Variants in SUGCT observed in about 807,000 individuals in gnomAD.
SUGCT encodes the protein succinyl-CoA:glutarate CoA-transferase.
SUGCT carries 41 observed loss-of-function variants against 55.0 expected under a neutral mutation model. The observed-to-expected ratio is 0.74, with a 90% confidence interval of 0.58 to 0.97. SUGCT has a LOEUF of 0.97. SUGCT is among the 50% of genes least tolerant of loss of function. The pLI, the probability that SUGCT is intolerant of heterozygous loss-of-function variation, is 0.00. For missense variants in SUGCT, 568 were observed against 547.8 expected, an observed-to-expected ratio of 1.04 and a Z score of -0.37; for synonymous variants, 187 against 200.4, an observed-to-expected ratio of 0.93 and a Z score of 0.56.
the SUGCT span, among the ~76,000 whole-genome samples, chr7:40,906,738 G>T: frequency 5.2e-3 from 797 of 152,236 alleles, 8 homozygotes; most frequent in African/African-American, 0.017. Context: ...GGGAGGTGTT[G>T]TCCTGGAACC....
At chr7:40,544,156 G>C (rs1241787952) in intron 12 of SUGCT, among the ~76,000 whole-genome samples, 8 of 146,266 alleles carry the variant, frequency 5.5e-5, no homozygotes, top group Admixed American at 4.8e-4. Flanking sequence ...TTTTAGGGCA[G>C]TTTCTGTACA....
chr7:40,523,153 C>T (rs1364636187), intron 12 of SUGCT, among the ~76,000 whole-genome samples: 1 of 151,870 alleles, frequency 6.6e-6, no homozygotes, highest in Non-Finnish European at 1.5e-5. Context: ...CCCTTTCAAC[C>T]AAGAATATTG....
the SUGCT span, among the ~76,000 whole-genome samples, chr7:40,929,866 A>G: frequency 6.6e-6 from 1 of 152,176 alleles, no homozygotes; most frequent in Non-Finnish European, 1.5e-5. Flanking sequence ...CCCATTCTGT[A>G]GGTTGCCTAT....
chr7:40,954,235 A>C, the SUGCT span, among the ~76,000 whole-genome samples: 90 of 152,204 alleles, frequency 5.9e-4, 1 homozygote, highest in Non-Finnish European at 1.1e-3. Context: ...CTCTGTGGGC[A>C]TGGGACCCTC....
At chr7:41,034,701 G>A in the SUGCT span, among the ~76,000 whole-genome samples, 1 of 152,208 alleles carries the variant, frequency 6.6e-6, no homozygotes, top group Non-Finnish European at 1.5e-5. Flanking sequence ...TCTTCTGCGT[G>A]TCCATTCATC....
At chr7:40,412,347 C>T (rs773385642) in intron 9 of SUGCT, among the ~76,000 whole-genome samples, 13 of 152,192 alleles carry the variant, frequency 8.5e-5, no homozygotes, top group Non-Finnish European at 1.9e-4. Context: ...GGAAGACAAA[C>T]TTTAACTAGG....
At chr7:40,328,522 A>G (rs1251636795) in intron 9 of SUGCT, among the ~76,000 whole-genome samples, 2 of 152,144 alleles carry the variant, frequency 1.3e-5, no homozygotes, top group Admixed American at 6.5e-5. Flanking sequence ...CCAGGGCCTA[A>G]GGAGGGGGAT....
the SUGCT span, among the ~76,000 whole-genome samples, chr7:40,901,439 T>G: frequency 6.6e-6 from 1 of 152,342 alleles, no homozygotes; most frequent in Non-Finnish European, 1.5e-5. Context: ...TTTAATCTTA[T>G]GAGTCTTCAC....
chr7:40,907,262 T>G, the SUGCT span, among the ~76,000 whole-genome samples: 1 of 152,138 alleles, frequency 6.6e-6, no homozygotes, highest in Admixed American at 6.5e-5. Flanking sequence ...ATGTCCTGAC[T>G]GAGCTCACCC....
intron 6 of SUGCT, among the ~76,000 whole-genome samples, chr7:40,204,369 C>G (rs1786819995): frequency 6.6e-6 from 1 of 150,906 alleles, no homozygotes; most frequent in South Asian, 2.1e-4. Flanking sequence ...GTGGCGCGAT[C>G]TTGGCTCACT....
chr7:40,281,639 C>T (rs759324568), intron 8 of SUGCT, among the ~76,000 whole-genome samples: 7 of 152,140 alleles, frequency 4.6e-5, no homozygotes, highest in Admixed American at 2.6e-4. Context: ...CGAAAGCAGT[C>T]TCAGGTGAAA....
chr7:40,188,434 CAAA>C lies in SUGCT; in HGVS notation c.227-42_227-40del, dbSNP rs35948652. On this transcript the variant is annotated intron_variant, in intron 3 of 13. Transcript: ENST00000335693. ...GGGCAACAGAGCAAGACTCCATCTC[CAAA>C]AAAAAAAAAAAAAAAAAACAAACCC... 4,921 of 592,432 alleles carry C rather than the reference CAAA, an allele frequency of 8.3e-3. 1 individual carries two copies. The highest frequency in any genetic ancestry group is 0.017 in the East Asian group (338 of 19,510). The allele number at this position is 592,432 out of a possible 1,614,324, so 36.7% of individuals were successfully genotyped here. A position where few individuals can be genotyped will look rare whatever the true frequency, so the allele number is the denominator to read the frequency against.
intron 6 of SUGCT, among the ~76,000 whole-genome samples, chr7:40,219,072 G>GA (rs1251551041): frequency 6.6e-6 from 1 of 152,160 alleles, no homozygotes; most frequent in Non-Finnish European, 1.5e-5. Context: ...CTTCACTCCT[G>GA]AAGCCAGCGA....
the SUGCT span, among the ~76,000 whole-genome samples, chr7:40,976,145 G>A: frequency 6.6e-6 from 1 of 152,196 alleles, no homozygotes; most frequent in Admixed American, 6.5e-5. Flanking sequence ...AAGAGGAGTC[G>A]TTGTGAACAA....
intron 12 of SUGCT, among the ~76,000 whole-genome samples, chr7:40,569,885 A>T (rs1796349093): frequency 6.6e-6 from 1 of 152,326 alleles, no homozygotes; most frequent in Admixed American, 6.5e-5. Flanking sequence ...TTTTTAACTT[A>T]ACTGATTGGA....
chr7:40,181,440 A>C (rs1785198320), intron 2 of SUGCT, among the ~76,000 whole-genome samples: 1 of 152,090 alleles, frequency 6.6e-6, no homozygotes, highest in Non-Finnish European at 1.5e-5. Context: ...CCTCAGGATA[A>C]AATTCTAGAA....
intron 9 of SUGCT, among the ~76,000 whole-genome samples, chr7:40,445,997 T>A (rs1366963620): frequency 6.6e-6 from 1 of 152,100 alleles, no homozygotes; most frequent in African/African-American, 2.4e-5. Flanking sequence ...TAAAGGATAT[T>A]AACAAGGGTA....
intron 9 of SUGCT, among the ~76,000 whole-genome samples, chr7:40,362,647 G>A (rs1251192816): frequency 6.6e-6 from 1 of 152,136 alleles, no homozygotes; most frequent in Non-Finnish European, 1.5e-5. Flanking sequence ...GAGAAGGAAA[G>A]TTGAAAGTGG....
At position 40,300,047 on chromosome 7, in the gene SUGCT, G is replaced by A. The variant is rs369108182; in HGVS notation, c.721-16713G>A. On this transcript the variant is annotated intron_variant, in intron 8 of 13. Coordinates refer to ENST00000335693, the MANE Select transcript of SUGCT (RefSeq NM_001193313.2). ...TTTGTGTTAGTGAAAGATGGAAAAT[G>A]TCAGTCTAATTTATTGAAATTATAA... 5.8e-4 allele frequency among the ~76,000 whole-genome samples: 88 copies of A among 152,246 alleles called. No individual in the cohort carries two copies. The Middle Eastern group carries it at 0.017, about 29-fold the overall frequency.
Sources: allele counts gnomAD v4.1 joint callset (sites outside exome capture counted in the v4.1 genomes callset), GRCh38; gene constraint gnomAD v4.1.1; transcripts MANE v1.5; gene names NCBI Gene and HGNC (gene_info 2026-07-23, HGNC 2026-07-21).